RIMS1: variants seen among roughly 807,000 people sequenced by gnomAD.
The protein encoded by RIMS1 is regulating synaptic membrane exocytosis protein 1.
RIMS1 carries 83 observed loss-of-function variants against 214.1 expected under a neutral mutation model. The ratio of observed to expected loss-of-function variants is 0.39; its 90% CI spans 0.32 to 0.47. The LOEUF (loss-of-function observed/expected upper bound fraction) is 0.47. Ranked by LOEUF, RIMS1 falls within the 20% of genes least tolerant of loss-of-function variation. RIMS1 has a pLI of 0.99. For synonymous variants in RIMS1, 793 were observed against 786.8 expected (o/e 1.01, Z -0.13); for missense variants, 2,050 against 2,161.8 (o/e 0.95, Z 1.03).
chr6:72,099,776 T>G (rs1562309492), intron 3 of RIMS1, among the ~76,000 whole-genome samples, 199 bp from the exon 4 acceptor site: 1 of 152,176 alleles, frequency 6.6e-6, no homozygotes, highest in Non-Finnish European at 1.5e-5. Flanking sequence ...CCATAATGTT[T>G]GCATTTTCAA....
At chr6:72,369,170 C>CCATCTCTATGAAAA (rs2098137625) in intron 29 of RIMS1, among the ~76,000 whole-genome samples, 1 of 151,078 alleles carries the variant, frequency 6.6e-6, no homozygotes, top group Non-Finnish European at 1.5e-5. Context: ...GAAAATTAAG[C>CCATCTCTATGAAAA]TGTTATGGTT....
intron 2 of RIMS1, among the ~76,000 whole-genome samples, chr6:72,080,988 G>T (rs539171231): frequency 1.3e-5 from 2 of 152,168 alleles, no homozygotes; most frequent in African/African-American, 4.8e-5. Flanking sequence ...AGGGCAAAGG[G>T]CAATAAAACT....
intron 29 of RIMS1, among the ~76,000 whole-genome samples, chr6:72,375,732 A>G (rs1452656408): frequency 6.6e-6 from 1 of 152,220 alleles, no homozygotes; most frequent in Admixed American, 6.5e-5. Context: ...TACACAAGGG[A>G]CCCAAACCTG....
intron 29 of RIMS1, among the ~76,000 whole-genome samples, chr6:72,334,777 T>A (rs1271589475): frequency 6.6e-6 from 1 of 151,910 alleles, no homozygotes; most frequent in Non-Finnish European, 1.5e-5. Flanking sequence ...TTTAAATTAT[T>A]CATTCTACTG....
rs1230469178 is a variant in RIMS1 at position 72,390,626 on chromosome 6, C to A, written c.4395C>A (p.Thr1465=). Residue 1465 remains threonine (T), a synonymous_variant, in exon 30 of 34, where the codon ACC becomes ACA. Transcript: ENST00000521978. ...CGGGCCACAAAAAGTTAAAAAGTAC[C>A]ATCCAGAGAAGCACAGAAACAGGCA... ...TESGHKKLKS[T]IQRSTETGMA... The A allele has an allele frequency of 6.2e-7, 1 of 1,613,466 alleles. No individual in the cohort carries two copies. Among genetic ancestry groups the A allele is most frequent in the Non-Finnish European group, 8.5e-7 (1 of 1,179,706 alleles).
At chr6:72,212,147 A>C (rs557234791) in intron 6 of RIMS1, among the ~76,000 whole-genome samples, 2 of 152,254 alleles carry the variant, frequency 1.3e-5, no homozygotes, top group African/African-American at 4.8e-5. Context: ...TTAAAATTAC[A>C]TGTGAAATTT....
intron 29 of RIMS1, among the ~76,000 whole-genome samples, chr6:72,386,915 T>C (rs2098617128): frequency 6.6e-6 from 1 of 151,846 alleles, no homozygotes; most frequent in Non-Finnish European, 1.5e-5. Flanking sequence ...TTTGTATTTT[T>C]AGTAGAGACA....
At chr6:72,279,631 A>G (rs1392575000) in intron 23 of RIMS1, among the ~76,000 whole-genome samples, 4 of 152,062 alleles carry the variant, frequency 2.6e-5, no homozygotes, top group Non-Finnish European at 5.9e-5. Flanking sequence ...ACATAATGAA[A>G]ACACTGAAAC....
rs1012101746 is a variant in RIMS1 at position 72,265,944 on chromosome 6, A to C, written c.3309-16A>C. The stretch of plus-strand genomic sequence containing the variant: ...GTCTTTCTCTTCTACCACTGGATGC[A>C]ATGCACTGGCACTAGTGAACTGCAG... On this transcript the variant is annotated splice_polypyrimidine_tract_variant and intron_variant, in intron 21 of 33. Transcript: ENST00000521978. 1 of 1,541,802 alleles carries C rather than the reference A, an allele frequency of 6.5e-7. No homozygotes were observed. The highest frequency in any genetic ancestry group is 8.8e-7 in the Non-Finnish European group (1 of 1,134,666).
In RIMS1 at chr6:72,182,374, G is replaced by A. The variant is rs377640996; in HGVS notation, c.903G>A (p.Val301=). The A allele has an allele frequency of 2.5e-6, 4 of 1,613,796 alleles. No individual in the cohort carries two copies. In the African/African-American group the frequency reaches 5.3e-5, roughly 22 times the overall value. ...TGCCAAAGACCTCAGCGCAGCCCGT[G>A]GAGGGGGCCGTCGAAGAACGGGAGC... ...KRVPKTSAQP[V]EGAVEERERK... is the part of the protein sequence containing the mutation. The change falls in exon 6 of 34, where the codon GTG becomes GTA. Residue 301 remains valine (V), a synonymous_variant. Transcript: ENST00000521978.
intron 1 of RIMS1, among the ~76,000 whole-genome samples, chr6:71,951,001 A>G: frequency 6.6e-6 from 1 of 152,214 alleles, no homozygotes; most frequent in East Asian, 1.9e-4. Context: ...ATACTGTTAA[A>G]TAGCTGTAAA....
chr6:72,116,585 C>A lies in RIMS1; in HGVS notation c.471+16599C>A, dbSNP rs142660440. The stretch of plus-strand genomic sequence containing the variant: ...AATTTCCCTACTTTATAGAGGTCTG[C>A]AAACTTTTTCTGTAAAGGATGAGAG... On this transcript the variant is annotated intron_variant, in intron 4 of 33. Coordinates refer to ENST00000521978, the MANE Select transcript of RIMS1 (RefSeq NM_014989.7). 2.7e-4 allele frequency among the ~76,000 whole-genome samples: 41 copies of A among 152,068 alleles called. No individual in the cohort carries two copies. In the East Asian group the frequency reaches 7.5e-3, roughly 28 times the overall value.
intron 23 of RIMS1, among the ~76,000 whole-genome samples, chr6:72,278,619 G>A (rs1204767803): frequency 6.6e-6 from 1 of 151,828 alleles, no homozygotes; most frequent in Non-Finnish European, 1.5e-5. Context: ...ATTTCTTTTT[G>A]TTCTATAATA....
At chr6:72,296,247 T>C (rs2094083256) in intron 26 of RIMS1, among the ~76,000 whole-genome samples, 1 of 151,940 alleles carries the variant, frequency 6.6e-6, no homozygotes, top group Non-Finnish European at 1.5e-5. Flanking sequence ...AGAAAACAAT[T>C]CTCCTAGGAA....
chr6:72,132,276 A>G (rs945975788), intron 4 of RIMS1, among the ~76,000 whole-genome samples: 2 of 152,198 alleles, frequency 1.3e-5, no homozygotes, highest in Non-Finnish European at 2.9e-5. Context: ...CAGTAAAGAC[A>G]GGCATAAGAA....
intron 1 of RIMS1, among the ~76,000 whole-genome samples, chr6:71,963,653 C>T (rs1282959660): frequency 1.3e-5 from 2 of 152,092 alleles, no homozygotes; most frequent in East Asian, 1.9e-4. Context: ...GTGAAATACT[C>T]TTTTTCTTGT....
intron 2 of RIMS1, among the ~76,000 whole-genome samples, chr6:71,992,402 CTCTCTTTCTTTCTTTCTTTCTT>C (rs61159373): frequency 0.28 from 40,613 of 143,916 alleles, 6,065 homozygotes; most frequent in East Asian, 0.63. Flanking sequence ...CTTTCTCTCT[CTCTCTTTCTTTCTTTCTTTCTT>C]TCTTTCTTTC....
At chr6:72,059,158 G>T (rs4413582) in intron 2 of RIMS1, among the ~76,000 whole-genome samples, 1 of 152,168 alleles carries the variant, frequency 6.6e-6, no homozygotes, top group African/African-American at 2.4e-5. Context: ...GGTTCTATCA[G>T]ATTTTTCATA....
chr6:72,211,883 T>C (rs1357445627), intron 6 of RIMS1, among the ~76,000 whole-genome samples: 7 of 152,154 alleles, frequency 4.6e-5, no homozygotes, highest in Non-Finnish European at 8.8e-5. Context: ...CTTAGGTTAG[T>C]GACTTAGGAA....
Sources: allele counts gnomAD v4.1 joint callset (sites outside exome capture counted in the v4.1 genomes callset), GRCh38; gene constraint gnomAD v4.1.1; transcripts MANE v1.5; gene names NCBI Gene and HGNC (gene_info 2026-07-23, HGNC 2026-07-21).